Variants in SPMIP7 observed in about 807,000 individuals in gnomAD.
SPMIP7 encodes protein SPMIP7.
At chr7:50,100,498 C>T in the SPMIP7 span, among the ~76,000 whole-genome samples, 4 of 152,128 alleles carry the variant, frequency 2.6e-5, no homozygotes, top group African/African-American at 9.7e-5. Context: ...AGGTCATTCC[C>T]CATAAATTTT....
the SPMIP7 span, chr7:50,158,969 A>T: frequency 3.0e-3 from 4,266 of 1,445,528 alleles, 91 homozygotes; most frequent in South Asian, 0.026. Flanking sequence ...CAGGGGTATC[A>T]TTAGTTGGAT....
the SPMIP7 span, among the ~76,000 whole-genome samples, chr7:50,102,324 A>G: frequency 6.6e-6 from 1 of 152,192 alleles, no homozygotes. Context: ...ACTGTGTCTC[A>G]AATAAATAAA....
chr7:50,145,604 GTGTATA>G, the SPMIP7 span, among the ~76,000 whole-genome samples: 17 of 50,820 alleles, frequency 3.3e-4, no homozygotes, highest in African/African-American at 1.3e-3. Flanking sequence ...GTGTGTGTGT[GTGTATA>G]TGTGTGTGTA....
chr7:50,096,434 G>T, the SPMIP7 span: 1 of 1,551,600 alleles, frequency 6.4e-7, no homozygotes, highest in Non-Finnish European at 8.7e-7. Context: ...TGGTGGTGAT[G>T]CTGATTTAAA....
chr7:50,131,109 G>A, the SPMIP7 span, among the ~76,000 whole-genome samples: 1 of 152,166 alleles, frequency 6.6e-6, no homozygotes, highest in Non-Finnish European at 1.5e-5. Flanking sequence ...GGGGAGAGAA[G>A]ATGGAACACC....
the SPMIP7 span, among the ~76,000 whole-genome samples, chr7:50,108,174 A>G: frequency 6.6e-6 from 1 of 152,214 alleles, no homozygotes; most frequent in African/African-American, 2.4e-5. Context: ...TCAGATTACA[A>G]GAATAGTAAA....
At chr7:50,155,998 C>G in the SPMIP7 span, among the ~76,000 whole-genome samples, 1 of 152,302 alleles carries the variant, frequency 6.6e-6, no homozygotes, top group Non-Finnish European at 1.5e-5. Context: ...ATGGCTCGTG[C>G]TGGGCCCAGA....
At chr7:50,153,609 G>C in the SPMIP7 span, among the ~76,000 whole-genome samples, 66,144 of 151,970 alleles carry the variant, frequency 0.44, 14,869 homozygotes, top group East Asian at 0.72. Flanking sequence ...CTCATGTCAC[G>C]GTCCCAGGAA....
At chr7:50,144,480 A>C in the SPMIP7 span, among the ~76,000 whole-genome samples, 1 of 152,206 alleles carries the variant, frequency 6.6e-6, no homozygotes, top group African/African-American at 2.4e-5. Flanking sequence ...GTATCCCACC[A>C]AATCTATAAC....
the SPMIP7 span, among the ~76,000 whole-genome samples, chr7:50,101,598 C>G: frequency 6.6e-6 from 1 of 152,144 alleles, no homozygotes; most frequent in African/African-American, 2.4e-5. Context: ...GATGACTCTG[C>G]GGTGTAATTC....
At chr7:50,112,351 G>A in the SPMIP7 span, among the ~76,000 whole-genome samples, 1 of 152,010 alleles carries the variant, frequency 6.6e-6, no homozygotes. Flanking sequence ...ACCTTGGCAT[G>A]GTCAGAATTT....
At chr7:50,157,382 A>AATACAGGCGCAAGTGTTTTTCT in the SPMIP7 span, among the ~76,000 whole-genome samples, 1 of 152,158 alleles carries the variant, frequency 6.6e-6, no homozygotes, top group Non-Finnish European at 1.5e-5. Context: ...GAGCAAGGGG[A>AATACAGGCGCAAGTGTTTTTCT]ATACAGGCGC....
At chr7:50,099,360 G>A in the SPMIP7 span, among the ~76,000 whole-genome samples, 3 of 151,982 alleles carry the variant, frequency 2.0e-5, no homozygotes, top group Non-Finnish European at 2.9e-5. Context: ...TTTTCGTGAC[G>A]GTTTTCTGTG....
the SPMIP7 span, among the ~76,000 whole-genome samples, chr7:50,097,483 T>G: frequency 1.3e-5 from 2 of 152,186 alleles, no homozygotes; most frequent in East Asian, 3.8e-4. Context: ...CCCATGTATT[T>G]CACTGCCTGA....
At chr7:50,145,381 A>C in the SPMIP7 span, among the ~76,000 whole-genome samples, 1 of 151,328 alleles carries the variant, frequency 6.6e-6, no homozygotes, top group Non-Finnish European at 1.5e-5. Context: ...AGTCCCTTTT[A>C]GTAACCATTT....
At chr7:50,123,567 T>TA in the SPMIP7 span, among the ~76,000 whole-genome samples, 8 of 146,324 alleles carry the variant, frequency 5.5e-5, no homozygotes, top group Non-Finnish European at 1.2e-4. Context: ...TAAAGTATAA[T>TA]AATAAATAAA....
At chr7:50,117,813 C>G in the SPMIP7 span, among the ~76,000 whole-genome samples, 1 of 152,148 alleles carries the variant, frequency 6.6e-6, no homozygotes, top group Admixed American at 6.5e-5. Flanking sequence ...AAAGACATGT[C>G]AGTAAATATT....
the SPMIP7 span, among the ~76,000 whole-genome samples, chr7:50,121,582 G>A: frequency 1.3e-5 from 2 of 152,114 alleles, no homozygotes; most frequent in South Asian, 4.1e-4. Context: ...TTTGTGTTGA[G>A]TGCTACCTTT....
the SPMIP7 span, among the ~76,000 whole-genome samples, chr7:50,126,725 A>G: frequency 2.4e-4 from 37 of 152,100 alleles, no homozygotes; most frequent in Non-Finnish European, 3.5e-4. Flanking sequence ...ACTTACCATT[A>G]AAATTAATCA....
Sources: allele counts gnomAD v4.1 joint callset (sites outside exome capture counted in the v4.1 genomes callset), GRCh38; gene constraint gnomAD v4.1.1; transcripts MANE v1.5; gene names NCBI Gene and HGNC (gene_info 2026-07-23, HGNC 2026-07-21).